PLCL1: variants seen among roughly 807,000 people sequenced by gnomAD.
PLCL1 encodes the protein inactive phospholipase C-like protein 1.
A neutral mutation model predicts 84.4 loss-of-function variants in PLCL1; 41 were observed. The ratio of observed to expected loss-of-function variants is 0.49; its 90% CI spans 0.38 to 0.63. The LOEUF (loss-of-function observed/expected upper bound fraction) is 0.63, where lower values mean the gene tolerates loss of function less well. Ranked by LOEUF, PLCL1 falls within the 30% of genes least tolerant of loss-of-function variation. The pLI, the probability that PLCL1 is intolerant of heterozygous loss-of-function variation, is 0.00. For missense variants in PLCL1, 1,206 were observed against 1,367.8 expected (o/e 0.88, Z 1.87); for synonymous variants, 490 against 488.3 (o/e 1.00, Z -0.05).
chr2:197,944,471 A>G (rs1270428092), intron 1 of PLCL1, among the ~76,000 whole-genome samples: 1 of 152,148 alleles, frequency 6.6e-6, no homozygotes, highest in East Asian at 1.9e-4. Flanking sequence ...TGGGTGGTAG[A>G]GGTTACAACT....
At position 197,991,018 on chromosome 2, in the gene PLCL1, C is replaced by T. The variant is rs77484027; in HGVS notation, c.241-92740C>T. Reference sequence around the variant, plus strand: ...TTTACGGTCAATTTGAGTGGGCCATCGGGTGCCCAGATTAAACATTGTTTC... The same window carrying T: ...TTTACGGTCAATTTGAGTGGGCCATTGGGTGCCCAGATTAAACATTGTTTC... On this transcript the variant is annotated intron_variant, in intron 1 of 5. Coordinates refer to ENST00000428675, the MANE Select transcript of PLCL1 (RefSeq NM_006226.4). Among the ~76,000 whole-genome samples the T allele has an allele frequency of 9.4e-3, 1,438 of 152,170 alleles. 24 individuals carry two copies. The highest frequency in any genetic ancestry group is 0.033 in the African/African-American group (1,362 of 41,524).
At chr2:197,972,394 A>G (rs1340599718) in intron 1 of PLCL1, among the ~76,000 whole-genome samples, 10 of 152,244 alleles carry the variant, frequency 6.6e-5, no homozygotes, top group African/African-American at 2.4e-4. Context: ...AAGATGTGAG[A>G]TGAGAAAAGG....
chr2:197,931,675 ACCACCCACCCACCCAC>A (rs1233391078), intron 1 of PLCL1, among the ~76,000 whole-genome samples: 12 of 90,678 alleles, frequency 1.3e-4, no homozygotes, highest in East Asian at 4.9e-4. Context: ...CAACCAACCA[ACCACCCACCCACCCAC>A]CCACCCACCC....
chr2:197,891,860 T>A (rs1432941358), intron 1 of PLCL1, among the ~76,000 whole-genome samples: 1 of 152,154 alleles, frequency 6.6e-6, no homozygotes, highest in Non-Finnish European at 1.5e-5. Flanking sequence ...AGGGTTAGGA[T>A]CTGAGATTCT....
chr2:197,810,957 G>A (rs1690574206), intron 1 of PLCL1, among the ~76,000 whole-genome samples: 1 of 152,214 alleles, frequency 6.6e-6, no homozygotes, highest in Admixed American at 6.5e-5. Flanking sequence ...GTTATAAGAA[G>A]GAGGGAGAGA....
intron 1 of PLCL1, among the ~76,000 whole-genome samples, chr2:197,890,701 T>TATATATATATATATACACACAC (rs11270566): frequency 2.5e-5 from 3 of 118,544 alleles, no homozygotes; most frequent in African/African-American, 1.1e-4. Flanking sequence ...TATATATATA[T>TATATATATATATATACACACAC]ACACACACAC....
At chr2:197,870,184 A>G (rs1330441931) in intron 1 of PLCL1, among the ~76,000 whole-genome samples, 5 of 152,122 alleles carry the variant, frequency 3.3e-5, no homozygotes, top group Non-Finnish European at 7.4e-5. Context: ...TGAATTACTA[A>G]AGCATGCAGA....
intron 1 of PLCL1, among the ~76,000 whole-genome samples, chr2:197,819,329 T>A (rs1316998266): frequency 6.6e-6 from 1 of 152,048 alleles, no homozygotes; most frequent in Non-Finnish European, 1.5e-5. Context: ...AGACCTTGAA[T>A]TAAACATGAC....
intron 1 of PLCL1, among the ~76,000 whole-genome samples, chr2:198,026,307 G>C (rs1279807727): frequency 6.6e-6 from 1 of 152,128 alleles, no homozygotes; most frequent in African/African-American, 2.4e-5. Flanking sequence ...GTAAAATGCT[G>C]GTTTTCACAG....
rs146627581 is a variant in PLCL1, at chr2:197,865,089, A to T, written c.240+59750A>T. On this transcript the variant is annotated intron_variant, in intron 1 of 5. Transcript: ENST00000428675. ...AATCAAGGTTAATTAGCAACAAATCATCTTTTTATAATTGAAGAATCTAAG... is the reference window on the plus strand; with the variant it reads ...AATCAAGGTTAATTAGCAACAAATCTTCTTTTTATAATTGAAGAATCTAAG... 3.6e-3 allele frequency among the ~76,000 whole-genome samples: 543 copies of T among 152,272 alleles called. 4 individuals carry two copies. Among genetic ancestry groups the T allele is most frequent in the African/African-American group, 0.012 (487 of 41,564 alleles).
intron 3 of PLCL1, among the ~76,000 whole-genome samples, chr2:198,092,854 A>C (rs1403913082): frequency 6.6e-5 from 10 of 152,158 alleles, no homozygotes; most frequent in African/African-American, 2.4e-4. Flanking sequence ...TATTACTGTC[A>C]CCTCTGGCAC....
chr2:197,923,130 C>T (rs1202884224), intron 1 of PLCL1, among the ~76,000 whole-genome samples: 1 of 143,212 alleles, frequency 7.0e-6, no homozygotes, highest in Non-Finnish European at 1.5e-5. Context: ...GGCTGAGGGG[C>T]TCCTCACTTC....
In PLCL1 at chr2:198,089,079, C is replaced by T. The variant is rs2105901951; in HGVS notation, c.2919+18C>T. On this transcript the variant is annotated intron_variant, in intron 3 of 5. Transcript: ENST00000428675. ...ATGATCTGGTAGGAAATTGCGACTC[C>T]ATATTTTTTTACGTGTGTGTGTGTG... The T allele has an allele frequency of 1.3e-6, 2 of 1,594,172 alleles. No individual in the cohort carries two copies. Among genetic ancestry groups the T allele is most frequent in the East Asian group, 2.2e-5 (1 of 44,816 alleles).
intron 1 of PLCL1, among the ~76,000 whole-genome samples, chr2:197,923,843 G>A (rs1158569816): frequency 2.0e-5 from 3 of 151,408 alleles, no homozygotes; most frequent in African/African-American, 7.3e-5. Flanking sequence ...CCGAGATCAC[G>A]CCATTGCACT....
At chr2:198,014,865 CT>C (rs935588871) in intron 1 of PLCL1, among the ~76,000 whole-genome samples, 7 of 151,926 alleles carry the variant, frequency 4.6e-5, no homozygotes, top group Non-Finnish European at 1.0e-4. Context: ...AATTGTTTTC[CT>C]TTTTATGTCA....
Position 198,040,121 on chromosome 2 carries a change from A to C in PLCL1, c.241-43637A>C, listed in dbSNP as rs751119943. Among the ~76,000 whole-genome samples the C allele has an allele frequency of 2.6e-5, 4 of 152,260 alleles. No individual in the cohort carries two copies. The East Asian group carries it at 5.8e-4, about 22-fold the overall frequency. On this transcript the variant is annotated intron_variant, in intron 1 of 5. Coordinates refer to ENST00000428675, the MANE Select transcript of PLCL1 (RefSeq NM_006226.4). ...GGTTGCAACAATATTTCTTCTAGTT[A>C]TACTTCTTTTTCTGAATCTTACTTT...
At chr2:197,986,957 G>A (rs1263963930) in intron 1 of PLCL1, among the ~76,000 whole-genome samples, 1 of 152,182 alleles carries the variant, frequency 6.6e-6, no homozygotes, top group South Asian at 2.1e-4. Context: ...ACGAAGTTAA[G>A]CCACTTGCCT....
rs1694588493 is a variant in PLCL1 at position 198,149,074 on chromosome 2, G to C, written c.*2112G>C. 1 of 152,470 alleles carries C rather than the reference G, an allele frequency of 6.6e-6. No individual in the cohort carries two copies. The highest frequency in any genetic ancestry group is 2.4e-5 in the African/African-American group (1 of 41,446). The allele number at this position is 152,470 out of a possible 1,614,324, so 9.4% of individuals were successfully genotyped here. A position where few individuals can be genotyped will look rare whatever the true frequency, so the allele number is the denominator to read the frequency against. Reference sequence around the variant, plus strand: ...GGTGTCCTTGCTAGATGGGGAGTGAGATGTGGAGCAGGGAGGAGCTTTGGA... The same window carrying C: ...GGTGTCCTTGCTAGATGGGGAGTGACATGTGGAGCAGGGAGGAGCTTTGGA... On this transcript the variant is annotated 3_prime_UTR_variant, in exon 6 of 6. Transcript: ENST00000428675.
chr2:198,129,680 A>G (rs1018114782), intron 5 of PLCL1, among the ~76,000 whole-genome samples: 1 of 152,106 alleles, frequency 6.6e-6, no homozygotes, highest in African/African-American at 2.4e-5. Context: ...TTTTTCATCA[A>G]CAATATGTAT....
Sources: gnomAD v4.1 joint callset for allele counts (sites outside exome capture counted in the v4.1 genomes callset) on GRCh38, gnomAD v4.1.1 for gene constraint, MANE v1.5 for transcripts, NCBI Gene and HGNC (gene_info 2026-07-23, HGNC 2026-07-21) for gene names.